TRAP1: variants seen among roughly 807,000 people sequenced by gnomAD.
TRAP1 encodes the protein heat shock protein 75 kDa, mitochondrial.
Under a neutral mutation model 89.1 loss-of-function variants are expected in TRAP1, and 102 were observed. The ratio of observed to expected loss-of-function variants is 1.15; its 90% CI spans 0.98 to 1.35. The LOEUF is 1.35. Ranked by LOEUF, TRAP1 falls within the 40% of genes most tolerant of loss-of-function variation. TRAP1 has a pLI of 0.00. For synonymous variants in TRAP1, 508 were observed against 388.0 expected, an observed-to-expected ratio of 1.31 and a Z score of -3.64; for missense variants, 1,256 against 945.3, an observed-to-expected ratio of 1.33 and a Z score of -4.31.
intron 16 of TRAP1, chr16:3,660,168 A>G (rs1342902523): frequency 6.6e-6 from 1 of 152,266 alleles, no homozygotes; most frequent in East Asian, 1.9e-4. Context: ...ACTGCACAGC[A>G]AGTTCCCCCT....
chr16:3,696,128 G>A (rs747584963), intron 1 of TRAP1, among the ~76,000 whole-genome samples: 2 of 152,134 alleles, frequency 1.3e-5, no homozygotes, highest in Non-Finnish European at 2.9e-5. Context: ...AAAGTCCCAC[G>A]TCCCAGGGAA....
At chr16:3,694,604 C>G (rs1266366824) in intron 1 of TRAP1, among the ~76,000 whole-genome samples, 1 of 152,178 alleles carries the variant, frequency 6.6e-6, no homozygotes, top group Non-Finnish European at 1.5e-5. Context: ...TCCCAAAGTG[C>G]TGGGATTACA....
chr16:3,707,034 T>C (rs1386129543), intron 1 of TRAP1, among the ~76,000 whole-genome samples: 1 of 152,150 alleles, frequency 6.6e-6, no homozygotes, highest in African/African-American at 2.4e-5. Flanking sequence ...TTATCCATTT[T>C]GTATCACCTG....
intron 4 of TRAP1, among the ~76,000 whole-genome samples, chr16:3,683,125 C>T (rs1247993203): frequency 1.3e-5 from 2 of 151,562 alleles, no homozygotes; most frequent in Non-Finnish European, 2.9e-5. Context: ...GCTGAAATCA[C>T]ACCACTGCAC....
intron 4 of TRAP1, among the ~76,000 whole-genome samples, chr16:3,683,101 G>A (rs548529707): frequency 1.4e-4 from 22 of 151,884 alleles, no homozygotes; most frequent in African/African-American, 4.6e-4. Flanking sequence ...CCCGGGAGGC[G>A]GAGGTTGCAG....
At chr16:3,711,342 T>A (rs1282896480) in intron 1 of TRAP1, among the ~76,000 whole-genome samples, 1 of 152,182 alleles carries the variant, frequency 6.6e-6, no homozygotes, top group Non-Finnish European at 1.5e-5. Context: ...GGCGCACACC[T>A]GTAATCCCAG....
At chr16:3,703,540 T>A (rs1279131296) in intron 1 of TRAP1, among the ~76,000 whole-genome samples, 1 of 152,030 alleles carries the variant, frequency 6.6e-6, no homozygotes, top group Non-Finnish European at 1.5e-5. Flanking sequence ...TATTCTCATA[T>A]GCCACGCAGA....
intron 1 of TRAP1, among the ~76,000 whole-genome samples, chr16:3,696,941 G>A (rs909764953): frequency 1.3e-5 from 2 of 152,092 alleles, no homozygotes; most frequent in African/African-American, 4.8e-5. Flanking sequence ...TGCCCAGGCT[G>A]GTCTCAAACT....
At chr16:3,699,892 C>G (rs908936002) in intron 1 of TRAP1, among the ~76,000 whole-genome samples, 6 of 146,724 alleles carry the variant, frequency 4.1e-5, no homozygotes, top group African/African-American at 1.5e-4. Context: ...CCAGGCTGGT[C>G]TTAAGCTCCT....
intron 1 of TRAP1, among the ~76,000 whole-genome samples, chr16:3,709,384 C>G (rs2051496224): frequency 6.6e-6 from 1 of 152,180 alleles, no homozygotes; most frequent in Admixed American, 6.5e-5. Context: ...AGCATTTTCA[C>G]TACCAGATTG....
chr16:3,711,213 G>A (rs976806459), intron 1 of TRAP1, among the ~76,000 whole-genome samples: 5 of 151,842 alleles, frequency 3.3e-5, no homozygotes, highest in Non-Finnish European at 7.4e-5. Context: ...TAATTATATG[G>A]CTATGAAGTA....
chr16:3,705,191 A>G (rs1388237576), intron 1 of TRAP1, among the ~76,000 whole-genome samples: 1 of 151,806 alleles, frequency 6.6e-6, no homozygotes, highest in African/African-American at 2.4e-5. Flanking sequence ...CAGCGTCCCG[A>G]GTAGCTGGGA....
Position 3,691,052 on chromosome 16 carries a change from C to G in TRAP1, c.89-67G>C, listed in dbSNP as rs960662332. 4.3e-6 allele frequency: 6 copies of G among 1,386,526 alleles called. No homozygotes were observed. The African/African-American group carries it at 8.9e-5, about 21-fold the overall frequency. The allele number at this position is 1,386,526 out of a possible 1,614,324, so 85.9% of individuals were successfully genotyped here. On this transcript the variant is annotated intron_variant, in intron 1 of 17. Coordinates refer to ENST00000246957, the MANE Select transcript of TRAP1 (RefSeq NM_016292.3). ...CACGAGAAACAATATGGTAATTCGT[C>G]CCATCAAGGGTGTCTAGCAGAAGCT...
intron 1 of TRAP1, among the ~76,000 whole-genome samples, chr16:3,702,839 T>C (rs2051385658): frequency 6.6e-6 from 1 of 151,456 alleles, no homozygotes; most frequent in South Asian, 2.1e-4. Context: ...GGTTGGGAGT[T>C]TGAGACCAGC....
intron 1 of TRAP1, among the ~76,000 whole-genome samples, chr16:3,699,874 C>T (rs1173316225): frequency 1.3e-5 from 2 of 150,400 alleles, no homozygotes; most frequent in African/African-American, 4.9e-5. Context: ...AGGGTGTTTC[C>T]ATGTTGACCA....
chr16:3,680,877 C>G (rs1196169756), intron 4 of TRAP1, among the ~76,000 whole-genome samples: 4 of 152,188 alleles, frequency 2.6e-5, no homozygotes, highest in Non-Finnish European at 5.9e-5. Flanking sequence ...CGCCAGATGC[C>G]CAATCTGCTG....
chr16:3,669,734 G>A (rs1446027049), intron 11 of TRAP1, among the ~76,000 whole-genome samples: 2 of 149,370 alleles, frequency 1.3e-5, no homozygotes, highest in African/African-American at 2.4e-5. Context: ...TCGGGAGGCT[G>A]AGACAGGAGA....
chr16:3,672,848 G>A (rs756641975), intron 9 of TRAP1, 28 bp from the exon 10 acceptor site: 1 of 1,604,138 alleles, frequency 6.2e-7, no homozygotes, highest in Non-Finnish European at 8.5e-7. Flanking sequence ...ACGCCATCAT[G>A]CAGCACTGAC....
At chr16:3,694,741 G>A (rs962117880) in intron 1 of TRAP1, among the ~76,000 whole-genome samples, 6 of 152,136 alleles carry the variant, frequency 3.9e-5, no homozygotes, top group African/African-American at 1.2e-4. Flanking sequence ...GCCTCTTAAA[G>A]CACTAGGATG....
Sources: allele counts gnomAD v4.1 joint callset (sites outside exome capture counted in the v4.1 genomes callset), GRCh38; gene constraint gnomAD v4.1.1; transcripts MANE v1.5; gene names NCBI Gene and HGNC (gene_info 2026-07-23, HGNC 2026-07-21).